Variants in AGAP1 observed in about 807,000 individuals in gnomAD.
AGAP1 encodes the protein arf-GAP with GTPase, ANK repeat and PH domain-containing protein 1.
A neutral mutation model predicts 105.3 loss-of-function variants in AGAP1; 29 were observed. The ratio of observed to expected loss-of-function variants is 0.28; its 90% confidence interval spans 0.21 to 0.38. The LOEUF is 0.38. Among genes scored for constraint, AGAP1 ranks in the 10% least tolerant of loss-of-function variants. The pLI, the probability that AGAP1 is intolerant of heterozygous loss-of-function variation, is 1.00. For synonymous variants in AGAP1, 509 were observed against 485.9 expected (o/e 1.05, Z -0.63); for missense variants, 998 against 1,165.1 (o/e 0.86, Z 2.09).
rs1943202492 is a variant in AGAP1, at chr2:235,535,985, C to T, written c.163+41136C>T. 6.6e-6 allele frequency among the ~76,000 whole-genome samples: 1 copy of T among 152,058 alleles called. No homozygotes were observed. ...CTTCCTGCTCTCCCAGAGCCGGCCTCACCTTCGAGACTCATGCTACTAAGT... is the reference window on the plus strand; with the variant it reads ...CTTCCTGCTCTCCCAGAGCCGGCCTTACCTTCGAGACTCATGCTACTAAGT... On this transcript the variant is annotated intron_variant, in intron 1 of 17. Coordinates refer to ENST00000304032, the MANE Select transcript of AGAP1 (RefSeq NM_001037131.3). This position sits in a 1 kb window ranked among gnomAD's most constrained non-coding sequence, Gnocchi z 5.1.
chr2:235,782,440 A>G (rs1327833165), intron 6 of AGAP1, among the ~76,000 whole-genome samples: 2 of 152,184 alleles, frequency 1.3e-5, no homozygotes, highest in African/African-American at 2.4e-5. Context: ...TTTTACTTAC[A>G]TATCTCATCC....
rs34343921 is a variant in AGAP1, at chr2:235,994,754, CTT to C, written c.1645+26143_1645+26144del. 4.2e-5 allele frequency among the ~76,000 whole-genome samples: 6 copies of C among 143,964 alleles called. No homozygotes were observed. The highest frequency in any genetic ancestry group is 3.1e-5 in the Non-Finnish European group (2 of 65,466). 94.4% of individuals were successfully genotyped at this position (143,964 alleles called of 152,430 possible). ...GGGGAAGAGCATGATGAATTTCTTT[CTT>C]TTTTTTTTTTTAAACTAAAATTAGA... On this transcript the variant is annotated intron_variant, in intron 13 of 17. Transcript: ENST00000304032. The surrounding 1 kb of genome is among the most constrained non-coding windows in gnomAD (Gnocchi z 4.4).
chr2:235,841,619 C>A (rs952916044), intron 9 of AGAP1, among the ~76,000 whole-genome samples: 4 of 152,154 alleles, frequency 2.6e-5, no homozygotes, highest in Admixed American at 2.0e-4. Context: ...TGTGAGAGAG[C>A]AAGACCATGT....
intron 3 of AGAP1, among the ~76,000 whole-genome samples, chr2:235,730,457 A>G (rs931870181): frequency 7.0e-6 from 1 of 142,206 alleles, no homozygotes; most frequent in African/African-American, 2.6e-5. Context: ...CAGTTTTGCA[A>G]TGCTCTTTTG....
At chr2:236,075,538 C>T (rs1391503214) in intron 16 of AGAP1, among the ~76,000 whole-genome samples, 1 of 152,222 alleles carries the variant, frequency 6.6e-6, no homozygotes, top group Non-Finnish European at 1.5e-5. Flanking sequence ...GATCTTTTTC[C>T]TTGGTTTTCA....
chr2:235,705,190 G>A lies in AGAP1; in HGVS notation c.164-3989G>A, dbSNP rs1434961963. On this transcript the variant is annotated intron_variant, in intron 1 of 17. Coordinates refer to ENST00000304032, the MANE Select transcript of AGAP1 (RefSeq NM_001037131.3). The surrounding 1 kb of genome is among the most constrained non-coding windows in gnomAD (Gnocchi z 4.9). ...GACGAGGTTTCGCCATGTTGGCCAG[G>A]CTGGTCTTGAACTCCTGACCTCAGG... 6.6e-6 allele frequency among the ~76,000 whole-genome samples: 1 copy of A among 152,006 alleles called. No homozygotes were observed. Among genetic ancestry groups the A allele is most frequent in the East Asian group, 1.9e-4 (1 of 5,186 alleles).
intron 1 of AGAP1, among the ~76,000 whole-genome samples, chr2:235,702,574 G>T (rs962858317): frequency 1.3e-5 from 2 of 152,192 alleles, no homozygotes; most frequent in Non-Finnish European, 2.9e-5. Flanking sequence ...AGGCCAACTG[G>T]AGTCATTTCC....
rs1951478362 is a variant in AGAP1, at chr2:235,723,305, A to G, written c.310+5661A>G. ...CCCTCGTGGTGTGTTTATGTGCTTA[A>G]TATTCAGCGTCCCCCAACACAGACC... On this transcript the variant is annotated intron_variant, in intron 3 of 17. Coordinates refer to ENST00000304032, the MANE Select transcript of AGAP1 (RefSeq NM_001037131.3). The surrounding 1 kb of genome is among the most constrained non-coding windows in gnomAD (Gnocchi z 6.2). Among the ~76,000 whole-genome samples, 2 of 152,146 alleles carry G rather than the reference A, an allele frequency of 1.3e-5. No individual in the cohort carries two copies. The highest frequency in any genetic ancestry group is 2.9e-5 in the Non-Finnish European group (2 of 68,030).
intron 13 of AGAP1, among the ~76,000 whole-genome samples, chr2:236,016,706 G>T (rs913472155): frequency 1.3e-5 from 2 of 152,148 alleles, no homozygotes; most frequent in African/African-American, 4.8e-5. Flanking sequence ...GGGGTGGAGA[G>T]CGTGAATTCC....
chr2:235,567,372 C>T (rs1944380196), intron 1 of AGAP1, among the ~76,000 whole-genome samples: 1 of 152,238 alleles, frequency 6.6e-6, no homozygotes, highest in Non-Finnish European at 1.5e-5. Flanking sequence ...CCCCAAAGGG[C>T]CCTGCCCTCA....
chr2:235,801,226 C>A lies in AGAP1; in HGVS notation c.957+1704C>A, dbSNP rs1271963564. Reference sequence around the variant, plus strand: ...CTCCCATCCCGGCCTCCGCTGCTGACGGATGTTTGACCTTAGGCAAATTAC... The same window carrying A: ...CTCCCATCCCGGCCTCCGCTGCTGAAGGATGTTTGACCTTAGGCAAATTAC... On this transcript the variant is annotated intron_variant, in intron 8 of 17. Transcript: ENST00000304032. This position sits in a 1 kb window ranked among gnomAD's most constrained non-coding sequence, Gnocchi z 6.0. Among the ~76,000 whole-genome samples the A allele has an allele frequency of 6.6e-6, 1 of 152,130 alleles. No individual in the cohort carries two copies. Among genetic ancestry groups the A allele is most frequent in the Non-Finnish European group, 1.5e-5 (1 of 68,020 alleles).
rs1439400881 is a variant in AGAP1 at position 235,893,989 on chromosome 2, T to C, written c.1155+10540T>C. On this transcript the variant is annotated intron_variant, in intron 10 of 17. Coordinates refer to ENST00000304032, the MANE Select transcript of AGAP1 (RefSeq NM_001037131.3). The surrounding 1 kb of genome is among the most constrained non-coding windows in gnomAD (Gnocchi z 4.7). ...TTGGGTGAACACACACACACACACG[T>C]AATCACTGCCTCACGTGGCATTATT... 6.6e-6 allele frequency among the ~76,000 whole-genome samples: 1 copy of C among 152,032 alleles called. No homozygotes were observed. Among genetic ancestry groups the C allele is most frequent in the Non-Finnish European group, 1.5e-5 (1 of 68,006 alleles).
At position 235,613,639 on chromosome 2, in the gene AGAP1, G is replaced by GA. The variant is rs1946212996; in HGVS notation, c.164-95540_164-95539insA. 2.0e-5 allele frequency among the ~76,000 whole-genome samples: 3 copies of GA among 152,084 alleles called. No homozygotes were observed. In the South Asian group the frequency reaches 6.2e-4, roughly 32 times the overall value. On this transcript the variant is annotated intron_variant, in intron 1 of 17. Coordinates refer to ENST00000304032, the MANE Select transcript of AGAP1 (RefSeq NM_001037131.3). ...TCTCCCTGAAAAAACTACAAGAAATGGTAAGGAAGAGAATAAAAGAGGAAA... is the reference window on the plus strand; with the variant it reads ...TCTCCCTGAAAAAACTACAAGAAATGAGTAAGGAAGAGAATAAAAGAGGAAA...
In AGAP1 at chr2:236,003,935, A is replaced by G. The variant is rs1254514436; in HGVS notation, c.1646-32626A>G. On this transcript the variant is annotated intron_variant, in intron 13 of 17. Coordinates refer to ENST00000304032, the MANE Select transcript of AGAP1 (RefSeq NM_001037131.3). The surrounding 1 kb of genome is among the most constrained non-coding windows in gnomAD (Gnocchi z 4.2). The stretch of plus-strand genomic sequence containing the variant: ...GATGCATAAAACAGTCAGCCCCTGG[A>G]CTCCATGGCTCTGTGGAATGGGCGG... Among the ~76,000 whole-genome samples, 2 of 152,004 alleles carry G rather than the reference A, an allele frequency of 1.3e-5. No homozygotes were observed. Among genetic ancestry groups the G allele is most frequent in the East Asian group, 3.9e-4 (2 of 5,178 alleles).
intron 13 of AGAP1, among the ~76,000 whole-genome samples, chr2:235,990,797 C>A (rs557728057): frequency 6.6e-6 from 1 of 152,260 alleles, no homozygotes; most frequent in East Asian, 1.9e-4. Flanking sequence ...TAAAATATGA[C>A]CATGGCCATT....
chr2:235,638,120 C>T (rs1947068665), intron 1 of AGAP1, among the ~76,000 whole-genome samples: 2 of 152,162 alleles, frequency 1.3e-5, no homozygotes, highest in Admixed American at 1.3e-4. Flanking sequence ...GTCAAACTGA[C>T]ACGTAACATT....
Position 235,887,201 on chromosome 2 carries a change from CA to C in AGAP1, c.1155+3753del, listed in dbSNP as rs1452894938. Among the ~76,000 whole-genome samples, 1 of 152,118 alleles carries C rather than the reference CA, an allele frequency of 6.6e-6. No homozygotes were observed. Among genetic ancestry groups the C allele is most frequent in the Admixed American group, 6.5e-5 (1 of 15,272 alleles). The stretch of plus-strand genomic sequence containing the variant: ...TGGCTATCTCCAGGATGTATTACGG[CA>C]GAAGGACCACTGAGAGTCATTGGCC... On this transcript the variant is annotated intron_variant, in intron 10 of 17. Coordinates refer to ENST00000304032, the MANE Select transcript of AGAP1 (RefSeq NM_001037131.3). The surrounding 1 kb of genome is among the most constrained non-coding windows in gnomAD (Gnocchi z 4.1).
chr2:235,589,189 G>GTTTTTTTTTTTTTTTTTTT lies in AGAP1; in HGVS notation c.163+94344_163+94345insTTTTTTTTTTTTTTTTTTT, dbSNP rs1205771315. 7.3e-5 allele frequency among the ~76,000 whole-genome samples: 4 copies of GTTTTTTTTTTTTTTTTTTT among 54,926 alleles called. 1 individual carries two copies. Among genetic ancestry groups the GTTTTTTTTTTTTTTTTTTT allele is most frequent in the African/African-American group, 1.0e-4 (2 of 19,758 alleles). 36.0% of individuals were successfully genotyped at this position (54,926 alleles called of 152,430 possible). A position where few individuals can be genotyped will look rare whatever the true frequency, so the allele number is the denominator to read the frequency against. On this transcript the variant is annotated intron_variant, in intron 1 of 17. Transcript: ENST00000304032. Reference sequence around the variant, plus strand: ...GAGAACTACCAGTTAATAGCTTATTGTTTTGTTTTTTTTTTTTTTTTTTTT... The same window carrying GTTTTTTTTTTTTTTTTTTT: ...GAGAACTACCAGTTAATAGCTTATTGTTTTTTTTTTTTTTTTTTTTTTTGTTTTTTTTTTTTTTTTTTTT...
At chr2:235,836,981 G>A (rs566707676) in intron 9 of AGAP1, among the ~76,000 whole-genome samples, 71 of 152,152 alleles carry the variant, frequency 4.7e-4, no homozygotes, top group African/African-American at 1.6e-3. Flanking sequence ...TTGTTGGGTT[G>A]GGGGGGTTGT....
Sources: allele counts gnomAD v4.1 joint callset (sites outside exome capture counted in the v4.1 genomes callset), GRCh38; gene constraint gnomAD v4.1.1; non-coding constraint Gnocchi (gnomAD v3.1); transcripts MANE v1.5; gene names NCBI Gene and HGNC (gene_info 2026-07-23, HGNC 2026-07-21).